Variants in GRM1 observed in about 807,000 individuals in gnomAD.
GRM1 encodes glutamate metabotropic receptor 1, also known as metabotropic glutamate receptor 1.
GRM1 carries 33 observed loss-of-function variants against 90.9 expected under a neutral mutation model. The observed-to-expected ratio is 0.36, with a 90% confidence interval of 0.28 to 0.49. GRM1 has a LOEUF of 0.49. Among genes scored for constraint, GRM1 ranks in the 20% least tolerant of loss-of-function variants. The pLI is 0.99. For missense variants in GRM1, 1,190 were observed against 1,534.3 expected (o/e 0.78, Z 3.75); for synonymous variants, 700 against 613.2 (o/e 1.14, Z -2.09).
chr6:146,369,146 A>G (rs1775806723), intron 5 of GRM1, among the ~76,000 whole-genome samples: 1 of 151,768 alleles, frequency 6.6e-6, no homozygotes, highest in Non-Finnish European at 1.5e-5. Flanking sequence ...GTTATTCACA[A>G]TGGTCCTCTG....
Position 146,071,042 on chromosome 6 carries a change from T to A in GRM1, c.700+40825T>A, listed in dbSNP as rs185880031. 1.7e-4 allele frequency among the ~76,000 whole-genome samples: 26 copies of A among 152,302 alleles called. 1 individual carries two copies. The highest frequency in any genetic ancestry group is 1.6e-3 in the Admixed American group (25 of 15,284). On this transcript the variant is annotated intron_variant, in intron 1 of 7. Transcript: ENST00000282753. ...CACTTGCTTTTTGTGTATCTGGATT[T>A]CTCTTCCAAATTTGCGAGTCATTCT...
chr6:146,239,858 G>A (rs372510616), intron 2 of GRM1, among the ~76,000 whole-genome samples: 2 of 151,968 alleles, frequency 1.3e-5, no homozygotes, highest in South Asian at 2.1e-4. Context: ...TTCAGGAACC[G>A]AATTATCACT....
At chr6:146,235,667 G>C (rs1442635696) in intron 2 of GRM1, among the ~76,000 whole-genome samples, 2 of 137,438 alleles carry the variant, frequency 1.5e-5, no homozygotes, top group African/African-American at 5.6e-5. Context: ...TCAGTCTAAT[G>C]ATGAGCCATC....
At chr6:146,097,567 A>G (rs1043010148) in intron 1 of GRM1, among the ~76,000 whole-genome samples, 2 of 152,200 alleles carry the variant, frequency 1.3e-5, no homozygotes, top group Non-Finnish European at 2.9e-5. Flanking sequence ...CTTACTCTAG[A>G]AAAGCTAGAG....
At chr6:146,214,590 T>G (rs1181587257) in intron 2 of GRM1, among the ~76,000 whole-genome samples, 5 of 152,180 alleles carry the variant, frequency 3.3e-5, no homozygotes, top group African/African-American at 1.2e-4. Flanking sequence ...GTCATAATTG[T>G]ATTGTAGGTC....
intron 3 of GRM1, among the ~76,000 whole-genome samples, chr6:146,326,729 A>G (rs1487900212): frequency 6.6e-6 from 1 of 152,232 alleles, no homozygotes; most frequent in Non-Finnish European, 1.5e-5. Flanking sequence ...ATTGTAAAAA[A>G]CTTTACTGAA....
At position 146,434,574 on chromosome 6, in the gene GRM1, A is replaced by G. The variant is rs1778532027; in HGVS notation, c.3363A>G (p.Glu1121=). 6.2e-7 allele frequency: 1 copy of G among 1,614,080 alleles called. No homozygotes were observed. The highest frequency in any genetic ancestry group is 1.1e-5 in the South Asian group (1 of 91,074). The change falls in exon 8 of 8, where the codon GAA becomes GAG. Residue 1121 remains glutamate, a synonymous_variant. Coordinates refer to ENST00000282753, the MANE Select transcript of GRM1 (RefSeq NM_001278064.2). The part of the protein sequence containing the change: ...YEHEREGNTE[E]DELEEEEEDL... ...ACGAGCGGGAAGGGAACACGGAAGA[A>G]GACGAACTGGAAGAGGAGGAGGAGG...
chr6:146,118,969 C>T (rs1376024317), intron 1 of GRM1, among the ~76,000 whole-genome samples: 1 of 152,214 alleles, frequency 6.6e-6, no homozygotes, highest in Non-Finnish European at 1.5e-5. Context: ...AATGGGATTG[C>T]TGGATCAAAT....
intron 5 of GRM1, among the ~76,000 whole-genome samples, chr6:146,360,801 G>A (rs1466833308): frequency 6.6e-6 from 1 of 152,156 alleles, no homozygotes; most frequent in Non-Finnish European, 1.5e-5. Flanking sequence ...TACATTAATG[G>A]AAGATTCAAT....
intron 3 of GRM1, among the ~76,000 whole-genome samples, chr6:146,313,923 T>C (rs1256580183): frequency 6.6e-6 from 1 of 152,110 alleles, no homozygotes; most frequent in African/African-American, 2.4e-5. Flanking sequence ...ATTTGTAATT[T>C]CTATACTTTA....
intron 2 of GRM1, among the ~76,000 whole-genome samples, chr6:146,286,956 G>A (rs1583276662): frequency 1.3e-5 from 2 of 152,286 alleles, no homozygotes; most frequent in East Asian, 3.9e-4. Flanking sequence ...TGTTTTAGAA[G>A]TGTATAAACA....
At position 146,434,211 on chromosome 6, in the gene GRM1, C is replaced by T. The variant is rs746188712; in HGVS notation, c.3000C>T (p.Thr1000=). ...CGTCCCACCTGACCGCAGAGGAGAC[C>T]CCCCTCTTCCTGGCCGAACCAGCCC... ...PLPSHLTAEE[T]PLFLAEPALP... is the part of the protein sequence containing the mutation. Residue 1000 remains threonine, a synonymous_variant, in exon 8 of 8, where the codon ACC becomes ACT. Transcript: ENST00000282753. The T allele has an allele frequency of 2.1e-5, 33 of 1,607,334 alleles. No homozygotes were observed. The highest frequency in any genetic ancestry group is 1.9e-4 in the South Asian group (17 of 90,824).
intron 3 of GRM1, among the ~76,000 whole-genome samples, chr6:146,309,274 C>G (rs987771602): frequency 1.3e-5 from 2 of 151,822 alleles, no homozygotes; most frequent in African/African-American, 4.8e-5. Flanking sequence ...TGGCGGGTGC[C>G]TATAATCCTA....
chr6:146,035,761 C>G (rs1285205818), intron 1 of GRM1, among the ~76,000 whole-genome samples: 1 of 151,926 alleles, frequency 6.6e-6, no homozygotes, highest in African/African-American at 2.4e-5. Flanking sequence ...AATTGCCATA[C>G]TTAAAAATTT....
chr6:146,304,007 T>C (rs1217976205), intron 2 of GRM1, among the ~76,000 whole-genome samples: 1 of 152,130 alleles, frequency 6.6e-6, no homozygotes, highest in African/African-American at 2.4e-5. Context: ...TTTTTATAAT[T>C]TGAGATGAGA....
At chr6:146,181,769 T>A (rs1371724461) in intron 2 of GRM1, among the ~76,000 whole-genome samples, 1 of 152,128 alleles carries the variant, frequency 6.6e-6, no homozygotes, top group African/African-American at 2.4e-5. Context: ...ACTAAGTGCC[T>A]GAGTCTATTA....
chr6:146,239,228 G>A (rs914914568), intron 2 of GRM1, among the ~76,000 whole-genome samples: 1 of 152,138 alleles, frequency 6.6e-6, no homozygotes, highest in African/African-American at 2.4e-5. Context: ...CAGATGGGCT[G>A]AATTGTTTAT....
intron 1 of GRM1, among the ~76,000 whole-genome samples, chr6:146,066,159 C>T (rs1775840182): frequency 1.3e-5 from 2 of 152,130 alleles, no homozygotes; most frequent in African/African-American, 2.4e-5. Flanking sequence ...CAAATGAATC[C>T]GTCACCTAGG....
rs72225459 is a variant in GRM1 at position 146,159,604 on chromosome 6, T to TTCTCTCTCTCTCTCTCTCTC, written c.950+26_950+45dup. ...AGTTCTCACTCATTGGAAGGTAAGT[T>TTCTCTCTCTCTCTCTCTCTC]TCTCTCTCTCTCTCTCTCTCTCTCT... On this transcript the variant is annotated splice_region_variant and intron_variant, in intron 2 of 7. Transcript: ENST00000282753. The TTCTCTCTCTCTCTCTCTCTC allele has an allele frequency of 2.5e-6, 3 of 1,211,366 alleles. No homozygotes were observed. The highest frequency in any genetic ancestry group is 5.0e-5 in the East Asian group (2 of 40,342). The allele number at this position is 1,211,366 out of a possible 1,614,324, so 75.0% of individuals were successfully genotyped here. A position where few individuals can be genotyped will look rare whatever the true frequency, so the allele number is the denominator to read the frequency against.
Sources: allele counts gnomAD v4.1 joint callset (sites outside exome capture counted in the v4.1 genomes callset), GRCh38; gene constraint gnomAD v4.1.1; transcripts MANE v1.5; gene names NCBI Gene and HGNC (gene_info 2026-07-23, HGNC 2026-07-21).